The following SNX29 variants were observed in gnomAD, a reference collection of about 807,000 sequenced individuals.
The protein encoded by SNX29 is sorting nexin-29.
In SNX29, 78 loss-of-function variants were observed where a neutral mutation model predicts 102.1. The ratio of observed to expected loss-of-function variants is 0.76; its 90% confidence interval spans 0.64 to 0.92. SNX29 has a LOEUF of 0.92. Ranked by LOEUF, SNX29 falls within the 40% of genes least tolerant of loss-of-function variation. SNX29 has a pLI of 0.00. For missense variants in SNX29, 1,280 were observed against 1,061.7 expected (o/e 1.21, Z -2.86); for synonymous variants, 580 against 414.5 (o/e 1.40, Z -4.85).
At position 12,152,376 on chromosome 16, in the gene SNX29, A is replaced by T. The variant is rs543614546; in HGVS notation, c.1595+22618A>T. Among the ~76,000 whole-genome samples the T allele has an allele frequency of 4.9e-4, 74 of 152,324 alleles. 2 individuals carry two copies. Among genetic ancestry groups the T allele is most frequent in the African/African-American group, 1.7e-3 (72 of 41,568 alleles). Reference sequence around the variant, plus strand: ...GGTAACTGGTTTACAGATTGGGAAGATGGGACACCTGCAGATGGTCATTTC... The same window carrying T: ...GGTAACTGGTTTACAGATTGGGAAGTTGGGACACCTGCAGATGGTCATTTC... On this transcript the variant is annotated intron_variant, in intron 13 of 20. Transcript: ENST00000566228.
intron 19 of SNX29, among the ~76,000 whole-genome samples, chr16:12,480,631 C>T (rs1307734394): frequency 1.3e-5 from 2 of 152,176 alleles, no homozygotes; most frequent in African/African-American, 2.4e-5. Context: ...AGACATTGCT[C>T]CATGCTTTCT....
Position 12,550,977 on chromosome 16 carries a change from A to G in SNX29, c.2319-17529A>G, listed in dbSNP as rs9921934. Among the ~76,000 whole-genome samples, 1,446 of 152,294 alleles carry G rather than the reference A, an allele frequency of 9.5e-3. 25 individuals are homozygous for G. The highest frequency in any genetic ancestry group is 0.033 in the African/African-American group (1,379 of 41,554). The stretch of plus-strand genomic sequence containing the variant: ...GGTAGAATGGGCTTAGGGCACAACA[A>G]AAAGCTGTTTCTCAATCTAAATATT... On this transcript the variant is annotated intron_variant, in intron 20 of 20. Coordinates refer to ENST00000566228, the MANE Select transcript of SNX29 (RefSeq NM_032167.5).
chr16:12,563,869 A>G (rs184848571), intron 20 of SNX29, among the ~76,000 whole-genome samples: 1 of 152,152 alleles, frequency 6.6e-6, no homozygotes, highest in Non-Finnish European at 1.5e-5. Context: ...ATCTCTCCCC[A>G]TCTCTAGCCC....
chr16:12,568,379 G>A (rs1000992080), intron 20 of SNX29, 127 bp from the exon 21 acceptor site: 6 of 1,266,042 alleles, frequency 4.7e-6, no homozygotes, highest in African/African-American at 1.5e-5. Flanking sequence ...GTTAGAGGCA[G>A]ATCCAATGAG....
chr16:12,449,375 A>C (rs541555226), intron 18 of SNX29, among the ~76,000 whole-genome samples: 2 of 151,964 alleles, frequency 1.3e-5, no homozygotes, highest in Non-Finnish European at 2.9e-5. Context: ...AGGCACGGCA[A>C]GGACAGGGAT....
intron 15 of SNX29, among the ~76,000 whole-genome samples, chr16:12,305,854 G>T (rs557159945): frequency 6.6e-6 from 1 of 152,280 alleles, no homozygotes; most frequent in South Asian, 2.1e-4. Flanking sequence ...CATCAGGGTG[G>T]AGTACCGACG....
chr16:12,511,213 G>T (rs1025361705), intron 19 of SNX29, among the ~76,000 whole-genome samples: 1 of 152,108 alleles, frequency 6.6e-6, no homozygotes, highest in African/African-American at 2.4e-5. Flanking sequence ...TAGCAAAGCC[G>T]CAGGTCTCCT....
At chr16:12,060,428 C>CA (rs567259597) in intron 8 of SNX29, among the ~76,000 whole-genome samples, 10 of 151,986 alleles carry the variant, frequency 6.6e-5, no homozygotes, top group African/African-American at 9.7e-5. Context: ...CCTGTTTTCA[C>CA]AAAAAAACAA....
chr16:12,433,341 T>G (rs929962470), intron 18 of SNX29, among the ~76,000 whole-genome samples: 1 of 152,074 alleles, frequency 6.6e-6, no homozygotes. Flanking sequence ...CATAAAACTG[T>G]AACGATTGGC....
chr16:12,097,231 C>T (rs1444775468), intron 11 of SNX29, among the ~76,000 whole-genome samples: 1 of 152,240 alleles, frequency 6.6e-6, no homozygotes, highest in Non-Finnish European at 1.5e-5. Flanking sequence ...CGGTGATCCC[C>T]ATTTCACAGA....
intron 15 of SNX29, 73 bp downstream of exon 15, chr16:12,278,109 G>A: frequency 2.2e-6 from 3 of 1,374,546 alleles, no homozygotes; most frequent in Non-Finnish European, 3.0e-6. Context: ...GGTAGGTCCA[G>A]CCTATTCTAA....
At chr16:12,417,736 T>G (rs1266070036) in intron 18 of SNX29, among the ~76,000 whole-genome samples, 1 of 152,060 alleles carries the variant, frequency 6.6e-6, no homozygotes, top group East Asian at 1.9e-4. Flanking sequence ...TTCCTCCCAC[T>G]TCTTGTCTCC....
At chr16:12,279,364 C>T (rs1030935050) in intron 15 of SNX29, among the ~76,000 whole-genome samples, 10 of 151,938 alleles carry the variant, frequency 6.6e-5, no homozygotes, top group African/African-American at 2.4e-4. Context: ...AGGAAGGTGG[C>T]TTTAGAAACA....
At chr16:12,515,688 G>A (rs769542420) in intron 19 of SNX29, 8 of 464,196 alleles carry the variant, frequency 1.7e-5, no homozygotes, top group Admixed American at 1.2e-4. Context: ...ATGTATTCAC[G>A]TATCTGCTTG....
chr16:12,572,652 CTG>C lies in SNX29; in HGVS notation c.*4028_*4029del, dbSNP rs905219118. The C allele has an allele frequency of 1.2e-4, 128 of 1,063,838 alleles. No individual in the cohort carries two copies. The African/African-American group carries it at 2.0e-3, about 16-fold the overall frequency. 65.9% of individuals were successfully genotyped at this position (1,063,838 alleles called of 1,614,324 possible). On this transcript the variant is annotated 3_prime_UTR_variant, in exon 21 of 21. Coordinates refer to ENST00000566228, the MANE Select transcript of SNX29 (RefSeq NM_032167.5). ...CATCCTTCATTCCTCCACCAAGCTC[CTG>C]TGTGAGCTGCAGCACCCACACGGGG... is the stretch of plus-strand genomic sequence containing the variant.
At chr16:12,417,509 C>A (rs537057330) in intron 18 of SNX29, among the ~76,000 whole-genome samples, 7 of 152,230 alleles carry the variant, frequency 4.6e-5, no homozygotes, top group African/African-American at 1.7e-4. Flanking sequence ...CTCTTTGCTC[C>A]CCGCTTTGCA....
chr16:12,401,358 A>AT (rs1251363828), intron 17 of SNX29, among the ~76,000 whole-genome samples: 7 of 130,958 alleles, frequency 5.3e-5, no homozygotes, highest in Non-Finnish European at 5.1e-5. Context: ...AATAGAGTTA[A>AT]ATTTTTTTTT....
intron 14 of SNX29, among the ~76,000 whole-genome samples, chr16:12,239,499 A>G (rs542678595): frequency 2.0e-5 from 3 of 152,074 alleles, no homozygotes; most frequent in Non-Finnish European, 4.4e-5. Context: ...TGGCTTATTT[A>G]AACCAAAGCT....
At chr16:12,051,430 G>A (rs2050296188) in intron 7 of SNX29, among the ~76,000 whole-genome samples, 1 of 151,860 alleles carries the variant, frequency 6.6e-6, no homozygotes, top group Non-Finnish European at 1.5e-5. Context: ...AAGATCCATT[G>A]CAAAGGGGCA....
Sources: allele counts gnomAD v4.1 joint callset (sites outside exome capture counted in the v4.1 genomes callset), GRCh38; gene constraint gnomAD v4.1.1; transcripts MANE v1.5; gene names NCBI Gene and HGNC (gene_info 2026-07-23, HGNC 2026-07-21).